Variants in METTL15 observed in about 807,000 individuals in gnomAD.
METTL15 encodes methyltransferase 15, mitochondrial 12S rRNA N4-cytidine, also known as 12S rRNA N(4)-cytidine methyltransferase METTL15.
Under a neutral mutation model 38.3 loss-of-function variants are expected in METTL15, and 34 were observed. The observed-to-expected ratio is 0.89, with a 90% CI of 0.68 to 1.18. The LOEUF is 1.18. METTL15 is among the 50% of genes most tolerant of loss of function. The probability of loss-of-function intolerance (pLI) is 0.00; values close to 1 mark genes in which losing one functional copy is unlikely to be tolerated. For synonymous variants in METTL15, 162 were observed against 170.9 expected (o/e 0.95, Z 0.41); for missense variants, 438 against 498.4 (o/e 0.88, Z 1.15).
intron 5 of METTL15, among the ~76,000 whole-genome samples, chr11:28,368,397 A>G (rs1271019139): frequency 6.6e-6 from 1 of 152,156 alleles, no homozygotes; most frequent in African/African-American, 2.4e-5. Flanking sequence ...AGACATACGA[A>G]AAAAAGCTCA....
At chr11:28,253,423 G>A (rs964107958) in intron 4 of METTL15, among the ~76,000 whole-genome samples, 5 of 152,078 alleles carry the variant, frequency 3.3e-5, no homozygotes, top group Non-Finnish European at 5.9e-5. Context: ...TGGGGTATGC[G>A]TCCCCTCAAG....
intron 3 of METTL15, among the ~76,000 whole-genome samples, chr11:28,167,064 T>C (rs1173711859): frequency 6.6e-6 from 1 of 152,242 alleles, no homozygotes; most frequent in African/African-American, 2.4e-5. Flanking sequence ...TTCTTTTGTT[T>C]GTCCTTCTGA....
chr11:28,398,047 C>G (rs1850590958), intron 5 of METTL15, among the ~76,000 whole-genome samples: 2 of 151,584 alleles, frequency 1.3e-5, no homozygotes, highest in Non-Finnish European at 2.9e-5. Flanking sequence ...AGTGAGAACA[C>G]TTGGACCAGG....
chr11:28,335,325 T>C (rs1469773881), downstream of METTL15, among the ~76,000 whole-genome samples: 3 of 152,042 alleles, frequency 2.0e-5, no homozygotes, highest in East Asian at 3.9e-4. Context: ...AAACCGAGGG[T>C]TTGAATTCCG....
chr11:28,408,314 A>T (rs190181287), intron 5 of METTL15, among the ~76,000 whole-genome samples: 91 of 152,244 alleles, frequency 6.0e-4, no homozygotes, highest in Non-Finnish European at 1.2e-3. Flanking sequence ...AGAATGTAAA[A>T]TATAATTACA....
At chr11:28,439,044 G>A (rs1426636565) in intron 6 of METTL15, among the ~76,000 whole-genome samples, 2 of 150,672 alleles carry the variant, frequency 1.3e-5, no homozygotes, top group Non-Finnish European at 2.9e-5. Flanking sequence ...AGTGCTGTAA[G>A]TGCTGTGATG....
intron 6 of METTL15, among the ~76,000 whole-genome samples, chr11:28,451,628 G>T (rs905683255): frequency 2.0e-5 from 3 of 152,098 alleles, no homozygotes; most frequent in African/African-American, 7.2e-5. Context: ...GTGTATATTA[G>T]TGAATGGATT....
intron 4 of METTL15, among the ~76,000 whole-genome samples, chr11:28,238,897 T>G (rs2354426): frequency 2.0e-5 from 3 of 152,116 alleles, no homozygotes; most frequent in East Asian, 1.9e-4. Context: ...GATAAACACA[T>G]AAGCCATCAG....
At chr11:28,286,372 G>A (rs1042210235) in intron 4 of METTL15, among the ~76,000 whole-genome samples, 1 of 152,138 alleles carries the variant, frequency 6.6e-6, no homozygotes, top group Admixed American at 6.6e-5. Flanking sequence ...GGGCACTGTA[G>A]CTTAGCCAAG....
intron 4 of METTL15, among the ~76,000 whole-genome samples, chr11:28,216,964 A>T (rs1014086793): frequency 3.3e-5 from 5 of 151,756 alleles, no homozygotes; most frequent in Admixed American, 1.3e-4. Context: ...TCTATCATTG[A>T]TGGACATTTG....
chr11:28,343,309 C>G lies in METTL15; in HGVS notation c.*190-8781C>G, dbSNP rs1342743741. ...TAGAAGAAATTAAACATTTGCCTTA[C>G]AACCAGAGAATAAACATCAACTAGA... On this transcript the variant is annotated intron_variant and NMD_transcript_variant, in intron 3 of 7. Coordinates refer to the METTL15 transcript ENST00000532947. Among the ~76,000 whole-genome samples, 5 of 151,922 alleles carry G rather than the reference C, an allele frequency of 3.3e-5. No individual in the cohort carries two copies. In the South Asian group the frequency reaches 8.3e-4, roughly 25 times the overall value.
chr11:28,172,136 A>G (rs1240489817), intron 3 of METTL15, among the ~76,000 whole-genome samples: 4 of 152,118 alleles, frequency 2.6e-5, no homozygotes, highest in Non-Finnish European at 5.9e-5. Context: ...ATAATCAGAC[A>G]AATTAATATT....
At chr11:28,522,211 T>A (rs879880812) in intron 6 of METTL15, among the ~76,000 whole-genome samples, 24 of 152,178 alleles carry the variant, frequency 1.6e-4, no homozygotes, top group Non-Finnish European at 2.9e-4. Context: ...CTAAAATTGA[T>A]ATGTGTATAT....
intron 3 of METTL15, among the ~76,000 whole-genome samples, chr11:28,176,288 A>G (rs570263557): frequency 5.8e-4 from 89 of 152,180 alleles, no homozygotes; most frequent in African/African-American, 2.0e-3. Flanking sequence ...GTGTTTATAC[A>G]GTTTTTCTTT....
At chr11:28,338,812 T>C (rs969434863) in intron 3 of METTL15, among the ~76,000 whole-genome samples, 2 of 152,146 alleles carry the variant, frequency 1.3e-5, no homozygotes, top group Non-Finnish European at 2.9e-5. Context: ...AATGACAAGA[T>C]AATTCGGGTT....
intron 4 of METTL15, among the ~76,000 whole-genome samples, chr11:28,272,240 A>G (rs1394915517): frequency 6.6e-6 from 1 of 152,200 alleles, no homozygotes; most frequent in Non-Finnish European, 1.5e-5. Flanking sequence ...AGGATTATAA[A>G]TAATTCTACT....
At chr11:28,123,263 A>G (rs888387301) in intron 3 of METTL15, among the ~76,000 whole-genome samples, 21 of 152,136 alleles carry the variant, frequency 1.4e-4, no homozygotes, top group African/African-American at 2.2e-4. Context: ...AGTTACTGCA[A>G]GAGTCTAGGC....
intron 6 of METTL15, among the ~76,000 whole-genome samples, chr11:28,445,706 C>A (rs1411540467): frequency 1.3e-5 from 2 of 152,060 alleles, no homozygotes; most frequent in Admixed American, 6.6e-5. Flanking sequence ...GGCTGGAGTG[C>A]AGTGGCATGA....
intron 3 of METTL15, among the ~76,000 whole-genome samples, chr11:28,137,193 A>C (rs1849543803): frequency 6.6e-6 from 1 of 152,208 alleles, no homozygotes; most frequent in Non-Finnish European, 1.5e-5. Flanking sequence ...ATTTATGGAA[A>C]GACCGTATAA....
Sources: allele counts gnomAD v4.1 joint callset (sites outside exome capture counted in the v4.1 genomes callset), GRCh38; gene constraint gnomAD v4.1.1; transcripts MANE v1.5; gene names NCBI Gene and HGNC (gene_info 2026-07-23, HGNC 2026-07-21).